The following CEP350 variants were observed in gnomAD, a reference collection of about 807,000 sequenced individuals.
CEP350 encodes the protein centrosomal protein 350.
A neutral mutation model predicts 331.8 loss-of-function variants in CEP350; 126 were observed. That is an observed-to-expected ratio of 0.38 (90% CI 0.33 to 0.44). The LOEUF is 0.44. Ranked by LOEUF, CEP350 falls within the 20% of genes least tolerant of loss-of-function variation. The pLI is 1.00. For missense variants in CEP350, 3,406 were observed against 3,634.6 expected, an observed-to-expected ratio of 0.94 and a Z score of 1.62; for synonymous variants, 1,200 against 1,259.5, an observed-to-expected ratio of 0.95 and a Z score of 1.00.
chr1:180,103,970 T>A (rs2149179455), intron 37 of CEP350, among the ~76,000 whole-genome samples: 1 of 138,872 alleles, frequency 7.2e-6, no homozygotes, highest in South Asian at 2.2e-4. Context: ...TATACAAATA[T>A]ATATTTTAAA....
chr1:180,110,392 G>A (rs906307342), intron 37 of CEP350, among the ~76,000 whole-genome samples: 5 of 152,136 alleles, frequency 3.3e-5, no homozygotes, highest in Admixed American at 6.5e-5. Flanking sequence ...CAGCAGCAGC[G>A]AGCCACAGCT....
At position 180,039,481 on chromosome 1, in the gene CEP350, T is replaced by C. The variant is rs1433350703; in HGVS notation, c.4111-1657T>C. On this transcript the variant is annotated intron_variant, in intron 17 of 37. Transcript: ENST00000367607. Reference sequence around the variant, plus strand: ...TGATGTGAGGAAGAGAGTCAAAGTTTCTTTTTCTCTAGTATGGATATTCAA... The same window carrying C: ...TGATGTGAGGAAGAGAGTCAAAGTTCCTTTTTCTCTAGTATGGATATTCAA... Among the ~76,000 whole-genome samples the C allele has an allele frequency of 3.3e-5, 5 of 152,218 alleles. 1 individual carries two copies. In the South Asian group the frequency reaches 1.0e-3, roughly 32 times the overall value.
At chr1:180,041,016 C>T in intron 17 of CEP350, 122 bp from the exon 18 acceptor site, 2 of 672,702 alleles carry the variant, frequency 3.0e-6, no homozygotes, top group Non-Finnish European at 5.0e-6. Flanking sequence ...ACTATCTTTC[C>T]TTTTGGTTCT....
chr1:180,056,508 T>A (rs1190879014), intron 25 of CEP350, among the ~76,000 whole-genome samples: 1 of 126,396 alleles, frequency 7.9e-6, no homozygotes, highest in Non-Finnish European at 1.6e-5. Flanking sequence ...CCCACTCTGT[T>A]TCCCAGGCTG....
intron 6 of CEP350, among the ~76,000 whole-genome samples, chr1:180,002,133 C>G (rs1375203115): frequency 6.6e-6 from 1 of 152,116 alleles, no homozygotes; most frequent in Non-Finnish European, 1.5e-5. Flanking sequence ...AATTAGGACC[C>G]CAATACATTG....
intron 32 of CEP350, among the ~76,000 whole-genome samples, chr1:180,090,093 T>G (rs1660080534): frequency 6.6e-6 from 1 of 152,068 alleles, no homozygotes; most frequent in African/African-American, 2.4e-5. Context: ...AGAGACAAAT[T>G]TTCTTCCTGC....
At chr1:180,026,586 C>T (rs1571887059) in intron 14 of CEP350, among the ~76,000 whole-genome samples, 1 of 152,192 alleles carries the variant, frequency 6.6e-6, no homozygotes, top group Non-Finnish European at 1.5e-5. Flanking sequence ...TTTCATATTC[C>T]CCTACTGAAC....
chr1:179,996,523 A>G (rs374305226), intron 5 of CEP350, 30 bp from the exon 6 acceptor site: 9 of 1,448,916 alleles, frequency 6.2e-6, no homozygotes, highest in Non-Finnish European at 6.5e-6. Context: ...TATTAATCAT[A>G]GTCACAGAGC....
intron 1 of CEP350, among the ~76,000 whole-genome samples, chr1:179,982,960 T>G (rs990442342): frequency 2.0e-5 from 3 of 151,822 alleles, no homozygotes; most frequent in African/African-American, 4.8e-5. Context: ...CTGGCTAATT[T>G]TTGTATTTTT....
chr1:180,112,884 G>A lies in CEP350; in HGVS notation c.*1723G>A, dbSNP rs909428972. 1 of 152,552 alleles carries A rather than the reference G, an allele frequency of 6.6e-6. No individual in the cohort carries two copies. Among genetic ancestry groups the A allele is most frequent in the African/African-American group, 2.4e-5 (1 of 41,434 alleles). The allele number at this position is 152,552 out of a possible 1,614,324, so 9.4% of individuals were successfully genotyped here. The stretch of plus-strand genomic sequence containing the variant: ...TAAGAAATGTACTGAAATAATCATT[G>A]GAATATTTGCATTTTGCACAATGAC... On this transcript the variant is annotated 3_prime_UTR_variant, in exon 38 of 38. Transcript: ENST00000367607.
At chr1:179,965,615 C>CT (rs747027286) in intron 1 of CEP350, among the ~76,000 whole-genome samples, 43,376 of 84,888 alleles carry the variant, frequency 0.51, 11,230 homozygotes, top group East Asian at 0.63. Context: ...TTTTTCTTTT[C>CT]TTTTTTTTTT....
In CEP350 at chr1:180,111,032, G is replaced by A; in HGVS notation, c.9225G>A (p.Val3075=). ...TCCATGAGGAGGAGGCACAGTGGGT[G>A]AACTATGATGAGGATGAGTTGTGTG... ...QELHEEEAQW[V]NYDEDELCVK... is the part of the protein sequence containing the mutation. The change falls in exon 38 of 38, where the codon GTG becomes GTA. Residue 3075 remains valine, a synonymous_variant. Coordinates refer to ENST00000367607, the MANE Select transcript of CEP350 (RefSeq NM_014810.5). 2 of 1,613,982 alleles carry A rather than the reference G, an allele frequency of 1.2e-6. No homozygotes were observed. Among genetic ancestry groups the A allele is most frequent in the Middle Eastern group, 3.3e-4 (2 of 6,062 alleles).
At chr1:180,031,095 A>C (rs1402247879) in intron 14 of CEP350, among the ~76,000 whole-genome samples, 1 of 152,064 alleles carries the variant, frequency 6.6e-6, no homozygotes. Context: ...TGATTTATTA[A>C]TAGCAAGTGG....
intron 1 of CEP350, chr1:179,968,966 C>T: frequency 1.3e-6 from 1 of 758,124 alleles, no homozygotes; most frequent in South Asian, 1.3e-5. Flanking sequence ...ACTCCTGGAA[C>T]CTTCACTAAC....
intron 8 of CEP350, among the ~76,000 whole-genome samples, chr1:180,009,995 C>T (rs1169794726): frequency 6.6e-6 from 1 of 151,932 alleles, no homozygotes; most frequent in African/African-American, 2.4e-5. Context: ...AAATAGAAAA[C>T]AGATAAAACC....
At chr1:179,974,242 G>A (rs1424992349) in intron 1 of CEP350, among the ~76,000 whole-genome samples, 1 of 152,022 alleles carries the variant, frequency 6.6e-6, no homozygotes. Flanking sequence ...ACCACGTCTG[G>A]CTAATTTTTT....
intron 37 of CEP350, among the ~76,000 whole-genome samples, chr1:180,109,901 C>A (rs889043124): frequency 6.6e-6 from 1 of 152,174 alleles, no homozygotes; most frequent in Non-Finnish European, 1.5e-5. Flanking sequence ...TCCTGAAGTG[C>A]TGGGATTACA....
At chr1:179,972,033 G>A (rs1651487744) in intron 1 of CEP350, among the ~76,000 whole-genome samples, 1 of 152,082 alleles carries the variant, frequency 6.6e-6, no homozygotes, top group Non-Finnish European at 1.5e-5. Context: ...TTTTCTTGTA[G>A]TTGTTTCTGG....
intron 37 of CEP350, among the ~76,000 whole-genome samples, chr1:180,108,219 G>C (rs1661254054): frequency 6.6e-6 from 1 of 152,166 alleles, no homozygotes; most frequent in South Asian, 2.1e-4. Context: ...GTTACACCGA[G>C]AGAGAGAATA....
Sources: allele counts gnomAD v4.1 joint callset (sites outside exome capture counted in the v4.1 genomes callset), GRCh38; gene constraint gnomAD v4.1.1; transcripts MANE v1.5; gene names NCBI Gene and HGNC (gene_info 2026-07-23, HGNC 2026-07-21).